FRMD4A: variants seen among roughly 807,000 people sequenced by gnomAD.
FRMD4A encodes the protein FERM domain-containing protein 4A.
Under a neutral mutation model 129.1 loss-of-function variants are expected in FRMD4A, and 29 were observed. The observed-to-expected ratio is 0.22, with a 90% CI of 0.17 to 0.31. The LOEUF (loss-of-function observed/expected upper bound fraction) is 0.31. Ranked by LOEUF, FRMD4A falls within the 10% of genes least tolerant of loss-of-function variation. The probability of loss-of-function intolerance (pLI) is 1.00; values close to 1 mark genes in which losing one functional copy is unlikely to be tolerated. For missense variants in FRMD4A, 1,272 were observed against 1,375.8 expected (o/e 0.92, Z 1.19); for synonymous variants, 634 against 571.6 (o/e 1.11, Z -1.56).
At chr10:14,072,188 C>A (rs113651433) in intron 2 of FRMD4A, among the ~76,000 whole-genome samples, 28 of 151,980 alleles carry the variant, frequency 1.8e-4, no homozygotes, top group South Asian at 2.1e-4. Context: ...AGCTGAACAA[C>A]GAGAGTTTTA....
intron 2 of FRMD4A, among the ~76,000 whole-genome samples, chr10:14,042,915 A>T (rs1248184536): frequency 7.6e-6 from 1 of 131,238 alleles, no homozygotes; most frequent in Non-Finnish European, 1.6e-5. Flanking sequence ...ATAGAGCAAG[A>T]CTCCATCTCA....
intron 3 of FRMD4A, among the ~76,000 whole-genome samples, chr10:13,847,470 C>T (rs2094068384): frequency 6.6e-6 from 1 of 152,182 alleles, no homozygotes; most frequent in African/African-American, 2.4e-5. Context: ...GGCCAGGCTG[C>T]ACTCCTCTCT....
rs141709429 is a variant in FRMD4A, at chr10:14,235,147, C to T, written c.45+94911G>A. 6.5e-3 allele frequency among the ~76,000 whole-genome samples: 454 copies of T among 70,140 alleles called. 2 individuals are homozygous for T. Among genetic ancestry groups the T allele is most frequent in the Middle Eastern group, 0.018 (2 of 112 alleles). The allele number at this position is 70,140 out of a possible 152,430, so 46.0% of individuals were successfully genotyped here. On this transcript the variant is annotated intron_variant, in intron 2 of 24. Coordinates refer to ENST00000357447, the MANE Select transcript of FRMD4A (RefSeq NM_018027.5). ...GTCAAAGGCAGGGCTTTATAGGTAA[C>T]CTAAGCTGTCTTTTTTTTTTGACAC... is the stretch of plus-strand genomic sequence containing the variant.
At chr10:13,767,665 A>G (rs1467399685) in intron 6 of FRMD4A, among the ~76,000 whole-genome samples, 1 of 152,214 alleles carries the variant, frequency 6.6e-6, no homozygotes, top group Non-Finnish European at 1.5e-5. Context: ...GTAACTAAGG[A>G]CAAAATGGGA....
intron 2 of FRMD4A, among the ~76,000 whole-genome samples, chr10:14,295,094 G>A (rs1316854798): frequency 1.3e-5 from 2 of 152,098 alleles, no homozygotes; most frequent in African/African-American, 2.4e-5. Flanking sequence ...ATGAACTCAG[G>A]CCTTGGCATA....
chr10:14,147,389 C>A (rs1425192935), intron 2 of FRMD4A, among the ~76,000 whole-genome samples: 1 of 152,130 alleles, frequency 6.6e-6, no homozygotes, highest in South Asian at 2.1e-4. Flanking sequence ...GTGGAAGATA[C>A]TTTTTCCGTG....
At chr10:13,885,475 C>T (rs2094608601) in intron 2 of FRMD4A, among the ~76,000 whole-genome samples, 3 of 152,198 alleles carry the variant, frequency 2.0e-5, no homozygotes, top group African/African-American at 7.2e-5. Flanking sequence ...GGACACCAGC[C>T]TTGGCGCAGC....
intron 2 of FRMD4A, among the ~76,000 whole-genome samples, chr10:14,124,851 A>G (rs748220366): frequency 6.6e-6 from 1 of 152,180 alleles, no homozygotes; most frequent in Admixed American, 6.5e-5. Context: ...GTAAAAAGGC[A>G]TGTTTAGAGT....
At chr10:14,002,870 G>A (rs567984564) in intron 2 of FRMD4A, among the ~76,000 whole-genome samples, 10 of 152,266 alleles carry the variant, frequency 6.6e-5, no homozygotes, top group Admixed American at 2.6e-4. Flanking sequence ...GAAAACACAC[G>A]CAAAGTTCCT....
At chr10:13,805,058 T>A (rs1431178092) in intron 4 of FRMD4A, among the ~76,000 whole-genome samples, 2 of 152,176 alleles carry the variant, frequency 1.3e-5, no homozygotes, top group African/African-American at 4.8e-5. Context: ...GTATGTAAAC[T>A]TTTATGAAGG....
intron 4 of FRMD4A, among the ~76,000 whole-genome samples, chr10:13,804,714 C>CTTTTTTTTTTTT (rs35111872): frequency 1.6e-5 from 2 of 127,738 alleles, no homozygotes; most frequent in Non-Finnish European, 3.3e-5. Context: ...CCAGCTAATT[C>CTTTTTTTTTTTT]TTTTTTTTTT....
chr10:14,039,364 GTCCGTCCATCCA>G (rs1483156592), intron 2 of FRMD4A, among the ~76,000 whole-genome samples: 5 of 108,256 alleles, frequency 4.6e-5, no homozygotes, highest in African/African-American at 1.6e-4. Flanking sequence ...TGATCTGTCC[GTCCGTCCATCCA>G]TCCATCCATC....
chr10:14,071,336 T>C (rs1020460105), intron 2 of FRMD4A, among the ~76,000 whole-genome samples: 8 of 152,210 alleles, frequency 5.3e-5, no homozygotes, highest in African/African-American at 1.9e-4. Context: ...TTTAATGCAA[T>C]TGACCTCTAA....
chr10:14,237,073 A>G (rs1264465526), intron 2 of FRMD4A, among the ~76,000 whole-genome samples: 1 of 148,586 alleles, frequency 6.7e-6, no homozygotes, highest in Admixed American at 6.8e-5. Context: ...GGGTCTTGCT[A>G]TGCTGCCCTT....
intron 2 of FRMD4A, among the ~76,000 whole-genome samples, chr10:14,067,648 C>T (rs975156377): frequency 3.9e-5 from 6 of 151,994 alleles, no homozygotes; most frequent in Admixed American, 3.3e-4. Flanking sequence ...GAAACTCCAT[C>T]TCTACTAAAA....
At chr10:13,797,602 C>A (rs2093149287) in intron 4 of FRMD4A, among the ~76,000 whole-genome samples, 1 of 152,138 alleles carries the variant, frequency 6.6e-6, no homozygotes, top group South Asian at 2.1e-4. Flanking sequence ...CTGAAGAATC[C>A]TCTCTTTCCT....
At chr10:13,934,779 A>G (rs2095234409) in intron 2 of FRMD4A, among the ~76,000 whole-genome samples, 1 of 152,226 alleles carries the variant, frequency 6.6e-6, no homozygotes, top group Admixed American at 6.5e-5. Flanking sequence ...TAAAAAATTC[A>G]ATATCAGGTT....
chr10:13,805,588 T>C (rs1717258339), intron 4 of FRMD4A, among the ~76,000 whole-genome samples: 2 of 152,260 alleles, frequency 1.3e-5, no homozygotes, highest in Non-Finnish European at 2.9e-5. Flanking sequence ...TGACTGTTTC[T>C]GCTGAATAGC....
Position 13,861,401 on chromosome 10 carries a change from A to G in FRMD4A, c.46-2489T>C, listed in dbSNP as rs145610100. On this transcript the variant is annotated intron_variant, in intron 2 of 24. Coordinates refer to ENST00000357447, the MANE Select transcript of FRMD4A (RefSeq NM_018027.5). ...TCAAAAGAAGTCATCCCATATTTCC[A>G]TCAAGTCGGGTTTTCCTTGTTTTGG... Among the ~76,000 whole-genome samples, 1,008 of 152,324 alleles carry G rather than the reference A, an allele frequency of 6.6e-3. 15 individuals carry two copies. The highest frequency in any genetic ancestry group is 0.023 in the African/African-American group (974 of 41,572).
Sources: allele counts gnomAD v4.1 joint callset (sites outside exome capture counted in the v4.1 genomes callset), GRCh38; gene constraint gnomAD v4.1.1; transcripts MANE v1.5; gene names NCBI Gene and HGNC (gene_info 2026-07-23, HGNC 2026-07-21).